The following TCEANC2 variants were observed in gnomAD, a reference collection of about 807,000 sequenced individuals.
TCEANC2 encodes transcription elongation factor A N-terminal and central domain-containing protein 2.
A neutral mutation model predicts 22.8 loss-of-function variants in TCEANC2; 20 were observed. The observed-to-expected ratio is 0.88, with a 90% confidence interval of 0.62 to 1.28. TCEANC2 has a LOEUF of 1.28. Among genes scored for constraint, TCEANC2 ranks in the 50% most tolerant of loss-of-function variants. The probability of loss-of-function intolerance (pLI) is 0.00; values close to 1 mark genes in which losing one functional copy is unlikely to be tolerated. For synonymous variants in TCEANC2, 84 were observed against 95.5 expected, an observed-to-expected ratio of 0.88 and a Z score of 0.70; for missense variants, 251 against 249.7, an observed-to-expected ratio of 1.01 and a Z score of -0.03.
chr1:54,096,824 C>T lies in TCEANC2; in HGVS notation c.*351C>T, dbSNP rs1259173333. 9.9e-7 allele frequency: 1 copy of T among 1,013,264 alleles called. No homozygotes were observed. Among genetic ancestry groups the T allele is most frequent in the Admixed American group, 5.6e-5 (1 of 17,866 alleles). The allele number at this position is 1,013,264 out of a possible 1,614,324, so 62.8% of individuals were successfully genotyped here. A position where few individuals can be genotyped will look rare whatever the true frequency, so the allele number is the denominator to read the frequency against. ...CCATGTCAGTCAGATGAAGTTACTA[C>T]TATATTTCACCACCCTGCAGGTAAC... On this transcript the variant is annotated 3_prime_UTR_variant, in exon 5 of 5. Transcript: ENST00000234827. The surrounding 1 kb of genome is among the most constrained non-coding windows in gnomAD (Gnocchi z 4.9).
chr1:54,067,714 G>C (rs1034068203), intron 2 of TCEANC2, among the ~76,000 whole-genome samples: 1 of 152,194 alleles, frequency 6.6e-6, no homozygotes, highest in Non-Finnish European at 1.5e-5. Context: ...AGCCAAGGGA[G>C]AGAGATAAGA....
intron 2 of TCEANC2, among the ~76,000 whole-genome samples, chr1:54,066,409 T>C (rs1657956364): frequency 6.6e-6 from 1 of 152,108 alleles, no homozygotes; most frequent in African/African-American, 2.4e-5. Flanking sequence ...ATAGAGATTC[T>C]CAGATTGGAA....
chr1:54,101,975 G>A lies in TCEANC2; in HGVS notation c.*5502G>A, dbSNP rs1429717119. 1 of 152,228 alleles carries A rather than the reference G, an allele frequency of 6.6e-6. No individual in the cohort carries two copies. Among genetic ancestry groups the A allele is most frequent in the Non-Finnish European group, 1.5e-5 (1 of 68,058 alleles). 9.4% of individuals were successfully genotyped at this position (152,228 alleles called of 1,614,324 possible). A position where few individuals can be genotyped will look rare whatever the true frequency, so the allele number is the denominator to read the frequency against. On this transcript the variant is annotated 3_prime_UTR_variant, in exon 5 of 5. Transcript: ENST00000234827. Reference sequence around the variant, plus strand: ...AACACAAATGGGCAGGGTGCAGTGAGATTTTTAGGGGCCAATGGTCTGGGA... The same window carrying A: ...AACACAAATGGGCAGGGTGCAGTGAAATTTTTAGGGGCCAATGGTCTGGGA...
intron 4 of TCEANC2, among the ~76,000 whole-genome samples, chr1:54,090,815 C>A (rs561885245): frequency 6.6e-6 from 1 of 152,200 alleles, no homozygotes; most frequent in South Asian, 2.1e-4. Flanking sequence ...ATATATAATA[C>A]GTAGTTAATG....
At chr1:54,067,550 C>T (rs1480645342) in intron 2 of TCEANC2, among the ~76,000 whole-genome samples, 1 of 152,192 alleles carries the variant, frequency 6.6e-6, no homozygotes, top group Non-Finnish European at 1.5e-5. Context: ...CTTTTCCTTC[C>T]CCTTTCCTCT....
chr1:54,108,316 C>T (rs568074182), downstream of TCEANC2, among the ~76,000 whole-genome samples: 12 of 152,286 alleles, frequency 7.9e-5, no homozygotes, highest in African/African-American at 2.6e-4. Flanking sequence ...TCCCCAAATT[C>T]GTATGTTGAA....
exon 5 of TCEANC2, chr1:54,111,508 C>T (rs1269227855): frequency 6.6e-6 from 1 of 152,210 alleles, no homozygotes; most frequent in African/African-American, 2.4e-5. Context: ...TCCACATTGA[C>T]CTCTAGAGTG....
At chr1:54,077,131 G>T (rs559617232) in intron 3 of TCEANC2, among the ~76,000 whole-genome samples, 3 of 152,264 alleles carry the variant, frequency 2.0e-5, no homozygotes, top group Non-Finnish European at 4.4e-5. Flanking sequence ...GGGAGAACAG[G>T]CTGGATTTAG....
In TCEANC2 at chr1:54,105,214, A is replaced by G. The variant is rs1023456828; in HGVS notation, c.*8741A>G. ...GTGCTGCCCAGACCCCCCAGCCACC[A>G]TGCTTCCTGGGCCTCTTCCCACAGC... On this transcript the variant is annotated 3_prime_UTR_variant, in exon 5 of 5. Coordinates refer to ENST00000234827, the MANE Select transcript of TCEANC2 (RefSeq NM_153035.3). 1.3e-5 allele frequency: 2 copies of G among 152,418 alleles called. No individual in the cohort carries two copies. Among genetic ancestry groups the G allele is most frequent in the African/African-American group, 4.8e-5 (2 of 41,434 alleles). 9.4% of individuals were successfully genotyped at this position (152,418 alleles called of 1,614,324 possible). A position where few individuals can be genotyped will look rare whatever the true frequency, so the allele number is the denominator to read the frequency against.
At position 54,088,799 on chromosome 1, in the gene TCEANC2, C is replaced by G; in HGVS notation, c.438+9C>G. On this transcript the variant is annotated intron_variant, in intron 4 of 4. Transcript: ENST00000234827. ...AAGCCTTGGAATTAAAGGTAATGCCCTAAATATATACAACTGTTATGTACC... is the reference window on the plus strand; with the variant it reads ...AAGCCTTGGAATTAAAGGTAATGCCGTAAATATATACAACTGTTATGTACC... 6.4e-7 allele frequency: 1 copy of G among 1,555,928 alleles called. No individual in the cohort carries two copies.
At chr1:54,065,734 G>A (rs890334819) in intron 2 of TCEANC2, among the ~76,000 whole-genome samples, 1 of 147,664 alleles carries the variant, frequency 6.8e-6, no homozygotes. Context: ...TATATATAAG[G>A]GTAAACACTC....
chr1:54,104,524 G>A lies in TCEANC2; in HGVS notation c.*8051G>A. ...CAGTTGATTCACGTGGAGACTTCTT[G>A]GTATTCCTTTGCCCAATTTTTTTTT... On this transcript the variant is annotated 3_prime_UTR_variant, in exon 5 of 5. Transcript: ENST00000234827. 2.2e-6 allele frequency: 1 copy of A among 445,300 alleles called. No homozygotes were observed. Among genetic ancestry groups the A allele is most frequent in the South Asian group, 1.6e-5 (1 of 61,354 alleles). The allele number at this position is 445,300 out of a possible 1,614,324, so 27.6% of individuals were successfully genotyped here. A position where few individuals can be genotyped will look rare whatever the true frequency, so the allele number is the denominator to read the frequency against.
chr1:54,074,753 A>G (rs907002460), intron 3 of TCEANC2, among the ~76,000 whole-genome samples: 4 of 152,224 alleles, frequency 2.6e-5, no homozygotes, highest in Non-Finnish European at 5.9e-5. Flanking sequence ...GTCATTAATG[A>G]TCTTACTTAG....
Position 54,097,023 on chromosome 1 carries a change from C to G in TCEANC2, c.*550C>G, listed in dbSNP as rs1166771664. On this transcript the variant is annotated 3_prime_UTR_variant, in exon 5 of 5. Transcript: ENST00000234827. Reference sequence around the variant, plus strand: ...GCTCACTTATCTGAACGTTTCAGCTCTCCCTGGAAGACCTTCTGCGTTGGT... The same window carrying G: ...GCTCACTTATCTGAACGTTTCAGCTGTCCCTGGAAGACCTTCTGCGTTGGT... The G allele has an allele frequency of 9.1e-5, 89 of 982,296 alleles. No individual in the cohort carries two copies. The highest frequency in any genetic ancestry group is 1.1e-4 in the Non-Finnish European group (87 of 826,790). 60.8% of individuals were successfully genotyped at this position (982,296 alleles called of 1,614,324 possible). A position where few individuals can be genotyped will look rare whatever the true frequency, so the allele number is the denominator to read the frequency against.
chr1:54,106,788 A>G (rs1201134165), downstream of TCEANC2, among the ~76,000 whole-genome samples: 1 of 152,218 alleles, frequency 6.6e-6, no homozygotes, highest in African/African-American at 2.4e-5. Context: ...GTACAGATAT[A>G]TACCCAATTT....
rs941372329 is a variant in TCEANC2 at position 54,079,662 on chromosome 1, A to G, written c.245-8935A>G. 3.3e-5 allele frequency among the ~76,000 whole-genome samples: 5 copies of G among 152,164 alleles called. No individual in the cohort carries two copies. In the East Asian group the frequency reaches 9.6e-4, roughly 29 times the overall value. On this transcript the variant is annotated intron_variant, in intron 3 of 4. Transcript: ENST00000234827. ...GCCTCTTCTTCACTTTTAAGGACTC[A>G]TGTGACTAGATTGGGCCCACTTGGA... is the stretch of plus-strand genomic sequence containing the variant.
At chr1:54,107,818 G>T (rs1197378053), downstream of TCEANC2, among the ~76,000 whole-genome samples, 1 of 152,158 alleles carries the variant, frequency 6.6e-6, no homozygotes, top group Admixed American at 6.5e-5. Flanking sequence ...CTGCCTTTGA[G>T]TAGGATAATC....
At chr1:54,056,604 C>T (rs1054837187) in intron 2 of TCEANC2, among the ~76,000 whole-genome samples, 7 of 151,972 alleles carry the variant, frequency 4.6e-5, no homozygotes, top group African/African-American at 1.7e-4. Flanking sequence ...GGATTACAGG[C>T]GTGAGCCACG....
intron 3 of TCEANC2, among the ~76,000 whole-genome samples, chr1:54,083,923 T>G (rs1658290882): frequency 6.6e-6 from 1 of 152,240 alleles, no homozygotes; most frequent in South Asian, 2.1e-4. Context: ...ACTCACACTA[T>G]GTGTGCTCTG....
Sources: gnomAD v4.1 joint callset for allele counts (sites outside exome capture counted in the v4.1 genomes callset) on GRCh38, gnomAD v4.1.1 for gene constraint, Gnocchi (gnomAD v3.1) non-coding constraint, MANE v1.5 for transcripts, NCBI Gene and HGNC (gene_info 2026-07-23, HGNC 2026-07-21) for gene names.